HAO1: variants seen among roughly 807,000 people sequenced by gnomAD.
HAO1 encodes the protein hydroxyacid oxidase 1, also known as 2-Hydroxyacid oxidase 1.
In HAO1, 34 loss-of-function variants were observed where a neutral mutation model predicts 39.7. The ratio of observed to expected loss-of-function variants is 0.86; its 90% CI spans 0.65 to 1.14. The LOEUF (loss-of-function observed/expected upper bound fraction) is 1.14. HAO1 is among the 50% of genes most tolerant of loss of function. HAO1 has a pLI of 0.00. For missense variants in HAO1, 479 were observed against 464.5 expected, an observed-to-expected ratio of 1.03 and a Z score of -0.29; for synonymous variants, 172 against 173.2, an observed-to-expected ratio of 0.99 and a Z score of 0.05.
chr20:7,909,455 G>A (rs1404157311), intron 3 of HAO1, among the ~76,000 whole-genome samples: 1 of 146,168 alleles, frequency 6.8e-6, no homozygotes, highest in Non-Finnish European at 1.5e-5. Flanking sequence ...AAGAAAAAAA[G>A]GGGTGAGATC....
chr20:7,883,695 C>T (rs190371350), intron 7 of HAO1, 32 bp from the exon 8 acceptor site: 10 of 1,380,482 alleles, frequency 7.2e-6, no homozygotes, highest in Non-Finnish European at 1.0e-5. Context: ...TTAATATGAA[C>T]TGAATGCAAT....
intron 3 of HAO1, among the ~76,000 whole-genome samples, chr20:7,912,059 G>T (rs34245391): frequency 2.6e-5 from 4 of 152,154 alleles, no homozygotes; most frequent in African/African-American, 4.8e-5. Flanking sequence ...CCCAGCTGCG[G>T]GGTGTTTCCC....
rs369783257 is a variant in HAO1, at chr20:7,914,144, G to T, written c.545+20C>A. 1 of 1,612,240 alleles carries T rather than the reference G, an allele frequency of 6.2e-7. No individual in the cohort carries two copies. ...AAGATCCCTTTCGCCTCAGCTCGGGGCCCACATGATCATGGTTACCTGAGT... is the reference window on the plus strand; with the variant it reads ...AAGATCCCTTTCGCCTCAGCTCGGGTCCCACATGATCATGGTTACCTGAGT... On this transcript the variant is annotated intron_variant, in intron 3 of 7. Transcript: ENST00000378789.
intron 5 of HAO1, among the ~76,000 whole-genome samples, chr20:7,894,508 A>C (rs914802702): frequency 1.3e-5 from 2 of 152,212 alleles, no homozygotes; most frequent in Non-Finnish European, 2.9e-5. Context: ...CCTGGGGAGC[A>C]GATCAGGATT....
chr20:7,889,923 A>G (rs567436813), intron 5 of HAO1, among the ~76,000 whole-genome samples: 41 of 152,172 alleles, frequency 2.7e-4, no homozygotes, highest in Non-Finnish European at 5.1e-4. Flanking sequence ...CCATGACATC[A>G]TGCTGCCTCC....
chr20:7,916,273 T>C (rs2050306758), intron 2 of HAO1, among the ~76,000 whole-genome samples: 2 of 152,152 alleles, frequency 1.3e-5, no homozygotes, highest in African/African-American at 2.4e-5. Context: ...TTATAAAGTA[T>C]AAATATATTA....
At chr20:7,899,764 C>T (rs953434435) in intron 4 of HAO1, among the ~76,000 whole-genome samples, 3 of 152,056 alleles carry the variant, frequency 2.0e-5, no homozygotes, top group Non-Finnish European at 4.4e-5. Flanking sequence ...GCAATTTTGC[C>T]TTAATGAAAG....
chr20:7,909,381 A>ATATATATATATT (rs1555774032), intron 3 of HAO1, among the ~76,000 whole-genome samples: 1 of 72,984 alleles, frequency 1.4e-5, no homozygotes, highest in East Asian at 5.5e-4. Context: ...ATATATATGT[A>ATATATATATATT]TATATATATA....
In HAO1 at chr20:7,900,281, T is replaced by C. The variant is rs569327361; in HGVS notation, c.722-5057A>G. The stretch of plus-strand genomic sequence containing the variant: ...TGATCTGTTAGCAGCCATCAACATC[T>C]AGGAAAGACCCTCCACCAGCAAGAA... On this transcript the variant is annotated intron_variant, in intron 4 of 7. Coordinates refer to ENST00000378789, the MANE Select transcript of HAO1 (RefSeq NM_017545.3). Among the ~76,000 whole-genome samples, 23 of 152,268 alleles carry C rather than the reference T, an allele frequency of 1.5e-4. 1 individual carries two copies. The South Asian group carries it at 4.8e-3, about 32-fold the overall frequency.
At position 7,884,701 on chromosome 20, in the gene HAO1, A is replaced by C. The variant is rs79638246; in HGVS notation, c.1042+820T>G. 5.0e-4 allele frequency among the ~76,000 whole-genome samples: 76 copies of C among 152,174 alleles called. 1 individual carries two copies. In the East Asian group the frequency reaches 0.013, roughly 27 times the overall value. ...AATAAGTAAGGGTGACATTGGTAGAAGTTGGGATCAGAAAGATGACGGGAG... is the reference window on the plus strand; with the variant it reads ...AATAAGTAAGGGTGACATTGGTAGACGTTGGGATCAGAAAGATGACGGGAG... On this transcript the variant is annotated intron_variant, in intron 7 of 7. Coordinates refer to ENST00000378789, the MANE Select transcript of HAO1 (RefSeq NM_017545.3).
intron 2 of HAO1, among the ~76,000 whole-genome samples, chr20:7,931,832 G>A (rs1435276576): frequency 6.6e-6 from 1 of 151,924 alleles, no homozygotes; most frequent in Non-Finnish European, 1.5e-5. Flanking sequence ...AATGTGACTT[G>A]GAGAATAAGT....
At chr20:7,895,818 C>T (rs1166926063) in intron 4 of HAO1, among the ~76,000 whole-genome samples, 2 of 152,046 alleles carry the variant, frequency 1.3e-5, no homozygotes, top group African/African-American at 2.4e-5. Flanking sequence ...GAGGCCAAGG[C>T]GGGCAGATCA....
At chr20:7,896,449 G>A (rs1301580699) in intron 4 of HAO1, among the ~76,000 whole-genome samples, 2 of 152,056 alleles carry the variant, frequency 1.3e-5, no homozygotes, top group African/African-American at 2.4e-5. Context: ...TAAAAGACAA[G>A]ATAATTATTT....
At chr20:7,884,033 T>C (rs2122743697) in intron 7 of HAO1, among the ~76,000 whole-genome samples, 1 of 152,302 alleles carries the variant, frequency 6.6e-6, no homozygotes, top group East Asian at 1.9e-4. Context: ...GTAGACCATT[T>C]ATCTGGGGAG....
At chr20:7,903,594 C>G (rs1289072209) in intron 4 of HAO1, among the ~76,000 whole-genome samples, 3 of 132,612 alleles carry the variant, frequency 2.3e-5, no homozygotes, top group Non-Finnish European at 3.3e-5. Context: ...GGTTATGGCG[C>G]TGGTGGTGGT....
intron 5 of HAO1, among the ~76,000 whole-genome samples, chr20:7,894,610 G>C (rs189722319): frequency 1.3e-5 from 2 of 151,998 alleles, no homozygotes; most frequent in Non-Finnish European, 2.9e-5. Context: ...CCCGTTGCCC[G>C]GACCTAAGCC....
At chr20:7,885,351 A>T in intron 7 of HAO1, 170 bp downstream of exon 7, 1 of 612,644 alleles carries the variant, frequency 1.6e-6, no homozygotes, top group Non-Finnish European at 2.9e-6. Flanking sequence ...AGTAATTACT[A>T]GAGACTGCAC....
chr20:7,908,850 G>T (rs368715288), intron 3 of HAO1, among the ~76,000 whole-genome samples: 1 of 152,070 alleles, frequency 6.6e-6, no homozygotes, highest in East Asian at 1.9e-4. Context: ...AAAGCTAACC[G>T]CTGGTCAATA....
At chr20:7,909,385 A>ATATG (rs1555774049) in intron 3 of HAO1, among the ~76,000 whole-genome samples, 38 of 112,608 alleles carry the variant, frequency 3.4e-4, no homozygotes, top group African/African-American at 1.3e-3. Flanking sequence ...ATATGTATAT[A>ATATG]TATATATATA....
Sources: allele counts gnomAD v4.1 joint callset (sites outside exome capture counted in the v4.1 genomes callset), GRCh38; gene constraint gnomAD v4.1.1; transcripts MANE v1.5; gene names NCBI Gene and HGNC (gene_info 2026-07-23, HGNC 2026-07-21).